The following DTNA variants were observed in gnomAD, a reference collection of about 807,000 sequenced individuals.
The protein encoded by DTNA is dystrobrevin alpha.
Under a neutral mutation model 100.7 loss-of-function variants are expected in DTNA, and 43 were observed. The observed-to-expected ratio is 0.43, with a 90% CI of 0.33 to 0.55. DTNA has a LOEUF of 0.55. DTNA is among the 20% of genes least tolerant of loss of function. The probability of loss-of-function intolerance (pLI) is 0.04; values close to 1 mark genes in which losing one functional copy is unlikely to be tolerated. For missense variants in DTNA, 798 were observed against 953.9 expected (o/e 0.84, Z 2.15); for synonymous variants, 349 against 347.9 (o/e 1.00, Z -0.04).
At chr18:34,662,881 T>G (rs1279333181) in intron 1 of DTNA, 1 of 152,140 alleles carries the variant, frequency 6.6e-6, no homozygotes, top group African/African-American at 2.4e-5. Flanking sequence ...TGAAGACACT[T>G]TCATGAGATT....
In DTNA at chr18:34,817,120, A is replaced by T. The variant is rs1198907638; in HGVS notation, c.710-1044A>T. On this transcript the variant is annotated intron_variant, in intron 7 of 22. Transcript: ENST00000444659. ...CTCTCAGCATTTCCTGCTGCAGGAG[A>T]TCAGTTTCTTAGGCACCATCCCAGA... Among the ~76,000 whole-genome samples the T allele has an allele frequency of 2.6e-5, 4 of 152,104 alleles. No homozygotes were observed. The East Asian group carries it at 7.7e-4, about 29-fold the overall frequency.
In DTNA at chr18:34,544,517, A is replaced by G. The variant is rs181346855; in HGVS notation, c.-2+51003A>G. Among the ~76,000 whole-genome samples the G allele has an allele frequency of 7.9e-5, 12 of 152,262 alleles. No homozygotes were observed. The East Asian group carries it at 1.7e-3, about 22-fold the overall frequency. The stretch of plus-strand genomic sequence containing the variant: ...AGGAAAATCAAGGAATTCAGTCTCA[A>G]TGGAATTTTCCATATAATTGTGGAC... On this transcript the variant is annotated intron_variant, in intron 1 of 19. Coordinates refer to the DTNA transcript ENST00000283365.
intron 1 of DTNA, among the ~76,000 whole-genome samples, chr18:34,696,287 A>G (rs974490106): frequency 2.0e-5 from 3 of 152,146 alleles, no homozygotes; most frequent in African/African-American, 7.2e-5. Flanking sequence ...TTTAAGGGGA[A>G]AAAAAGATAG....
At chr18:34,664,977 T>C (rs758802497) in intron 1 of DTNA, among the ~76,000 whole-genome samples, 1 of 151,546 alleles carries the variant, frequency 6.6e-6, no homozygotes, top group Non-Finnish European at 1.5e-5. Context: ...TTCTATCTTC[T>C]TCTTCTTCTT....
intron 1 of DTNA, among the ~76,000 whole-genome samples, chr18:34,508,104 G>A (rs1420931099): frequency 6.6e-6 from 1 of 151,956 alleles, no homozygotes; most frequent in Non-Finnish European, 1.5e-5. Flanking sequence ...TGATTTTGTG[G>A]TTGACATCAA....
intron 1 of DTNA, among the ~76,000 whole-genome samples, chr18:34,551,229 T>TA (rs1165191383): frequency 1.3e-5 from 2 of 152,140 alleles, no homozygotes; most frequent in African/African-American, 4.8e-5. Context: ...CTCAAACTCT[T>TA]ACAGTTTGTG....
intron 1 of DTNA, among the ~76,000 whole-genome samples, chr18:34,646,145 T>G (rs112540213): frequency 6.6e-6 from 1 of 152,182 alleles, no homozygotes; most frequent in Non-Finnish European, 1.5e-5. Flanking sequence ...TAAAAGGTCA[T>G]CTTGACAGTT....
intron 1 of DTNA, among the ~76,000 whole-genome samples, chr18:34,619,006 T>C (rs540257147): frequency 9.2e-5 from 14 of 152,210 alleles, no homozygotes; most frequent in African/African-American, 3.1e-4. Context: ...GAAAGATAAA[T>C]GCGATGAAGG....
At chr18:34,852,297 G>T (rs748812878) in intron 15 of DTNA, among the ~76,000 whole-genome samples, 16 of 152,034 alleles carry the variant, frequency 1.1e-4, no homozygotes, top group Admixed American at 3.9e-4. Context: ...CAGGTAGGAG[G>T]CTCACCAGAG....
At chr18:34,521,745 G>A (rs2042169738) in intron 1 of DTNA, among the ~76,000 whole-genome samples, 1 of 152,134 alleles carries the variant, frequency 6.6e-6, no homozygotes, top group South Asian at 2.1e-4. Context: ...ACAGGTCTCT[G>A]TTCACATATC....
In DTNA at chr18:34,580,282, G is replaced by T. The variant is rs539272516; in HGVS notation, c.-2+86768G>T. ...ATAATTTTTAAACAAATCTCTGCCT[G>T]CTATATCCAACATTTGAGCCATCTG... On this transcript the variant is annotated intron_variant, in intron 1 of 19. Coordinates refer to the DTNA transcript ENST00000283365. 2.0e-3 allele frequency among the ~76,000 whole-genome samples: 305 copies of T among 151,978 alleles called. 2 individuals carry two copies. Among genetic ancestry groups the T allele is most frequent in the African/African-American group, 6.8e-3 (282 of 41,438 alleles).
At chr18:34,609,574 T>C (rs1006601170) in intron 1 of DTNA, among the ~76,000 whole-genome samples, 6 of 152,198 alleles carry the variant, frequency 3.9e-5, no homozygotes, top group Non-Finnish European at 8.8e-5. Context: ...TAAATTTGAA[T>C]GCTCAGTTGT....
intron 1 of DTNA, among the ~76,000 whole-genome samples, chr18:34,689,385 T>G (rs1301837469): frequency 2.0e-5 from 3 of 152,168 alleles, no homozygotes; most frequent in Non-Finnish European, 4.4e-5. Flanking sequence ...TTGTTTTCCT[T>G]CTAATAGTCA....
chr18:34,712,991 C>T (rs2083211063), intron 1 of DTNA, among the ~76,000 whole-genome samples: 2 of 152,186 alleles, frequency 1.3e-5, no homozygotes, highest in South Asian at 2.1e-4. Flanking sequence ...GACTCAATAT[C>T]ATCTAGATAC....
chr18:34,739,536 A>G (rs546685973), intron 1 of DTNA, among the ~76,000 whole-genome samples: 2 of 152,174 alleles, frequency 1.3e-5, no homozygotes, highest in Non-Finnish European at 1.5e-5. Flanking sequence ...ACTTCTGTGG[A>G]CCCTTGTAAT....
At chr18:34,765,239 G>A (rs966833497) in intron 2 of DTNA, among the ~76,000 whole-genome samples, 3 of 152,152 alleles carry the variant, frequency 2.0e-5, no homozygotes, top group East Asian at 1.9e-4. Context: ...TATAGGGAAT[G>A]TGTTCCCTCT....
chr18:34,504,483 T>C (rs2040290107), intron 1 of DTNA, among the ~76,000 whole-genome samples: 1 of 152,244 alleles, frequency 6.6e-6, no homozygotes, highest in South Asian at 2.1e-4. Context: ...CCTTTTTGTT[T>C]TAAGAACTTT....
At chr18:34,649,297 A>G (rs1230792874) in intron 1 of DTNA, among the ~76,000 whole-genome samples, 1 of 152,212 alleles carries the variant, frequency 6.6e-6, no homozygotes. Context: ...TGCACAAAAG[A>G]AGATTATGAT....
chr18:34,625,235 G>C (rs754614195), intron 1 of DTNA, among the ~76,000 whole-genome samples: 2 of 152,084 alleles, frequency 1.3e-5, no homozygotes, highest in Non-Finnish European at 2.9e-5. Context: ...CACCATGTTG[G>C]CCAGACTGGT....
Sources: allele counts gnomAD v4.1 joint callset (sites outside exome capture counted in the v4.1 genomes callset), GRCh38; gene constraint gnomAD v4.1.1; transcripts MANE v1.5; gene names NCBI Gene and HGNC (gene_info 2026-07-23, HGNC 2026-07-21).